The following BMPR1A variants were observed in gnomAD, a reference collection of about 807,000 sequenced individuals.
BMPR1A encodes the protein bone morphogenetic protein receptor type 1A.
A neutral mutation model predicts 66.0 loss-of-function variants in BMPR1A; 7 were observed. The ratio of observed to expected loss-of-function variants is 0.11; its 90% confidence interval spans 0.06 to 0.20. BMPR1A has a LOEUF of 0.20. Among genes scored for constraint, BMPR1A ranks in the 10% least tolerant of loss-of-function variants. The pLI, the probability that BMPR1A is intolerant of heterozygous loss-of-function variation, is 1.00. For missense variants in BMPR1A, 408 were observed against 669.1 expected (o/e 0.61, Z 4.31); for synonymous variants, 200 against 229.7 (o/e 0.87, Z 1.17).
intron 5 of BMPR1A, among the ~76,000 whole-genome samples, chr10:86,899,000 C>T (rs919542619): frequency 3.3e-5 from 5 of 152,148 alleles, no homozygotes; most frequent in African/African-American, 1.2e-4. Flanking sequence ...GTCACAGGCT[C>T]ATGTTTACCT....
rs1841583723 is a variant in BMPR1A, at chr10:86,790,177, AAAAAAAAAAAAATATAT to A, written c.-268+33260_-268+33276del. On this transcript the variant is annotated intron_variant, in intron 1 of 12. Transcript: ENST00000372037. ...ACTCTGTCTCCAAAAAAAAAAAAAA[AAAAAAAAAAAAATATAT>A]ATATATATATATATATATATATATA... Among the ~76,000 whole-genome samples the A allele has an allele frequency of 1.8e-4, 8 of 44,066 alleles. 1 individual carries two copies. Among genetic ancestry groups the A allele is most frequent in the African/African-American group, 7.5e-4 (8 of 10,630 alleles). 28.9% of individuals were successfully genotyped at this position (44,066 alleles called of 152,430 possible).
chr10:86,800,153 T>C (rs1841791194), intron 1 of BMPR1A, among the ~76,000 whole-genome samples: 1 of 152,140 alleles, frequency 6.6e-6, no homozygotes. Flanking sequence ...GGGAGAGTTT[T>C]CAAAAGAAAA....
At chr10:86,872,477 C>G (rs1217819268) in intron 2 of BMPR1A, among the ~76,000 whole-genome samples, 1 of 152,124 alleles carries the variant, frequency 6.6e-6, no homozygotes, top group African/African-American at 2.4e-5. Flanking sequence ...TTAAAGTCTA[C>G]TTGCCTGTTT....
At chr10:86,846,181 G>A (rs546650212) in intron 2 of BMPR1A, among the ~76,000 whole-genome samples, 6 of 152,226 alleles carry the variant, frequency 3.9e-5, no homozygotes, top group African/African-American at 9.6e-5. Context: ...AGGCAAGCCC[G>A]CATCTGGAGT....
At chr10:86,923,342 A>G (rs770301352) in intron 11 of BMPR1A, 34 bp from the exon 12 acceptor site, 2 of 1,613,662 alleles carry the variant, frequency 1.2e-6, no homozygotes, top group Admixed American at 1.7e-5. Flanking sequence ...TCCAGCAACC[A>G]TTTTTGTGCC....
At chr10:86,782,223 A>G (rs1289925469) in intron 1 of BMPR1A, among the ~76,000 whole-genome samples, 3 of 152,110 alleles carry the variant, frequency 2.0e-5, no homozygotes, top group African/African-American at 4.8e-5. Flanking sequence ...TTGTTGATCC[A>G]TTTATCTGTT....
At chr10:86,828,036 C>T (rs777059378) in intron 1 of BMPR1A, among the ~76,000 whole-genome samples, 3 of 152,166 alleles carry the variant, frequency 2.0e-5, no homozygotes, top group Non-Finnish European at 2.9e-5. Flanking sequence ...CCTGTAATCC[C>T]AGCCACTTGG....
chr10:86,771,904 A>G (rs563072972), intron 1 of BMPR1A, among the ~76,000 whole-genome samples: 1 of 152,198 alleles, frequency 6.6e-6, no homozygotes, highest in East Asian at 1.9e-4. Context: ...TGCTGGGATT[A>G]CAGCTGTGAG....
At chr10:86,820,198 A>G (rs1350277010) in intron 1 of BMPR1A, among the ~76,000 whole-genome samples, 1 of 152,032 alleles carries the variant, frequency 6.6e-6, no homozygotes, top group African/African-American at 2.4e-5. Flanking sequence ...TTATGCCCCC[A>G]TGCCTGGCTG....
At chr10:86,810,472 T>A (rs1323915180) in intron 1 of BMPR1A, among the ~76,000 whole-genome samples, 1 of 152,244 alleles carries the variant, frequency 6.6e-6, no homozygotes, top group Non-Finnish European at 1.5e-5. Flanking sequence ...AACTCTGTGC[T>A]TAACCATTTG....
chr10:86,812,965 A>G (rs982413573), intron 1 of BMPR1A, among the ~76,000 whole-genome samples: 1 of 152,122 alleles, frequency 6.6e-6, no homozygotes. Flanking sequence ...CTTTCTGCCT[A>G]TTTATCGCTC....
intron 1 of BMPR1A, among the ~76,000 whole-genome samples, chr10:86,819,798 G>T (rs1002373633): frequency 2.0e-5 from 3 of 152,186 alleles, no homozygotes; most frequent in Non-Finnish European, 2.9e-5. Context: ...GGGTTCTTCA[G>T]TTATGAGTGG....
At chr10:86,908,803 A>G (rs1843434132) in intron 7 of BMPR1A, among the ~76,000 whole-genome samples, 1 of 151,862 alleles carries the variant, frequency 6.6e-6, no homozygotes, top group Non-Finnish European at 1.5e-5. Flanking sequence ...GGGCTCTTGC[A>G]CCTCCTCCCA....
chr10:86,783,449 T>A (rs143661245), intron 1 of BMPR1A, among the ~76,000 whole-genome samples: 5 of 152,382 alleles, frequency 3.3e-5, no homozygotes, highest in African/African-American at 1.2e-4. Flanking sequence ...ATGTACATTT[T>A]AACAATATAA....
At chr10:86,884,453 G>A (rs149289075) in intron 3 of BMPR1A, among the ~76,000 whole-genome samples, 1,705 of 108,976 alleles carry the variant, frequency 0.016, 42 homozygotes, top group African/African-American at 0.054. Flanking sequence ...TCACTCTGTT[G>A]ACCAGGCTGG....
intron 3 of BMPR1A, among the ~76,000 whole-genome samples, chr10:86,886,459 A>C (rs986075108): frequency 1.3e-5 from 2 of 152,156 alleles, no homozygotes; most frequent in Admixed American, 6.5e-5. Flanking sequence ...ACAACAGCGG[A>C]GTTGGAGAAA....
At chr10:86,765,687 G>A (rs890369583) in intron 1 of BMPR1A, among the ~76,000 whole-genome samples, 4 of 151,872 alleles carry the variant, frequency 2.6e-5, no homozygotes, top group Non-Finnish European at 5.9e-5. Flanking sequence ...CCCTAACTAC[G>A]TATTACCATA....
intron 1 of BMPR1A, among the ~76,000 whole-genome samples, chr10:86,828,415 G>A (rs1222190825): frequency 6.6e-6 from 1 of 152,114 alleles, no homozygotes; most frequent in Non-Finnish European, 1.5e-5. Context: ...AAGGAAAGAC[G>A]GGTGCAAGCT....
intron 1 of BMPR1A, among the ~76,000 whole-genome samples, chr10:86,838,332 G>A (rs1236083745): frequency 6.6e-6 from 1 of 152,110 alleles, no homozygotes; most frequent in Non-Finnish European, 1.5e-5. Context: ...ACTAATATAC[G>A]GTAGTTTAGA....
Sources: allele counts gnomAD v4.1 joint callset (sites outside exome capture counted in the v4.1 genomes callset), GRCh38; gene constraint gnomAD v4.1.1; transcripts MANE v1.5; gene names NCBI Gene and HGNC (gene_info 2026-07-23, HGNC 2026-07-21).